The following SEMA3E variants were observed in gnomAD, a reference collection of about 807,000 sequenced individuals.
The protein encoded by SEMA3E is semaphorin-3E.
A neutral mutation model predicts 93.6 loss-of-function variants in SEMA3E; 49 were observed. That is an observed-to-expected ratio of 0.52 (90% CI 0.42 to 0.66). The LOEUF (loss-of-function observed/expected upper bound fraction) is 0.66. Ranked by LOEUF, SEMA3E falls within the 30% of genes least tolerant of loss-of-function variation. The pLI, the probability that SEMA3E is intolerant of heterozygous loss-of-function variation, is 0.00. For missense variants in SEMA3E, 906 were observed against 964.8 expected, an observed-to-expected ratio of 0.94 and a Z score of 0.81; for synonymous variants, 363 against 330.7, an observed-to-expected ratio of 1.10 and a Z score of -1.06.
intron 4 of SEMA3E, among the ~76,000 whole-genome samples, chr7:83,449,014 C>A (rs1391733961): frequency 1.3e-5 from 2 of 151,952 alleles, no homozygotes; most frequent in African/African-American, 4.8e-5. Context: ...TTACTACTGG[C>A]CAAATACAAA....
intron 1 of SEMA3E, among the ~76,000 whole-genome samples, chr7:83,497,614 G>T (rs1790513372): frequency 6.6e-6 from 1 of 152,226 alleles, no homozygotes; most frequent in Non-Finnish European, 1.5e-5. Context: ...AGATTTGACT[G>T]ATGATCACTA....
At chr7:83,582,773 T>C (rs1792540414) in intron 1 of SEMA3E, among the ~76,000 whole-genome samples, 1 of 152,076 alleles carries the variant, frequency 6.6e-6, no homozygotes, top group Non-Finnish European at 1.5e-5. Context: ...AAAACAAATA[T>C]TTCAAATATT....
At position 83,471,910 on chromosome 7, in the gene SEMA3E, G is replaced by A. The variant is rs183440027; in HGVS notation, c.277-2608C>T. Among the ~76,000 whole-genome samples, 53 of 152,302 alleles carry A rather than the reference G, an allele frequency of 3.5e-4. No individual in the cohort carries two copies. The East Asian group carries it at 9.6e-3, about 28-fold the overall frequency. Reference sequence around the variant, plus strand: ...GAAATAAACCAATCATCTTCTGAAAGTCAAACAGTATTTGCTATGTTGTAA... The same window carrying A: ...GAAATAAACCAATCATCTTCTGAAAATCAAACAGTATTTGCTATGTTGTAA... On this transcript the variant is annotated intron_variant, in intron 2 of 16. Coordinates refer to ENST00000643230, the MANE Select transcript of SEMA3E (RefSeq NM_012431.3).
chr7:83,396,108 T>C (rs62458481), intron 12 of SEMA3E, among the ~76,000 whole-genome samples: 18,315 of 151,932 alleles, frequency 0.12, 1,229 homozygotes, highest in Non-Finnish European at 0.15. Flanking sequence ...TGCACACATA[T>C]ATATGTGTAT....
At chr7:83,400,301 A>C (rs550624098) in intron 10 of SEMA3E, 51 bp from the exon 11 acceptor site, 394 of 1,529,638 alleles carry the variant, frequency 2.6e-4, no homozygotes, top group Non-Finnish European at 3.4e-4. Context: ...CCCAAAGAGA[A>C]AATTTATAAT....
At chr7:83,420,434 C>G (rs1788650417) in intron 4 of SEMA3E, among the ~76,000 whole-genome samples, 1 of 152,048 alleles carries the variant, frequency 6.6e-6, no homozygotes, top group Non-Finnish European at 1.5e-5. Flanking sequence ...CATCATTTTT[C>G]ACAGAATTAG....
rs569503991 is a variant in SEMA3E at position 83,457,289 on chromosome 7, T to C, written c.456+9193A>G. Reference sequence around the variant, plus strand: ...TAACTACTCCCCCAGGGTTTAATAATTCAGTCTATTCTGAGAACACCCTCT... The same window carrying C: ...TAACTACTCCCCCAGGGTTTAATAACTCAGTCTATTCTGAGAACACCCTCT... On this transcript the variant is annotated intron_variant, in intron 4 of 16. Transcript: ENST00000643230. Among the ~76,000 whole-genome samples the C allele has an allele frequency of 4.6e-5, 7 of 152,284 alleles. 1 individual carries two copies. The highest frequency in any genetic ancestry group is 6.8e-3 in the Middle Eastern group (2 of 294).
chr7:83,448,221 T>C (rs1045468984), intron 4 of SEMA3E, among the ~76,000 whole-genome samples: 20 of 152,362 alleles, frequency 1.3e-4, no homozygotes, highest in African/African-American at 4.6e-4. Context: ...ATTAGCAATA[T>C]AGTGTGTGAC....
intron 4 of SEMA3E, among the ~76,000 whole-genome samples, chr7:83,426,387 A>G (rs1415637283): frequency 3.5e-4 from 18 of 50,744 alleles, no homozygotes; most frequent in Non-Finnish European, 3.8e-5. Flanking sequence ...ATGGAATACC[A>G]CACAGTCATA....
intron 1 of SEMA3E, among the ~76,000 whole-genome samples, chr7:83,583,875 G>A (rs1056781299): frequency 1.3e-5 from 2 of 152,146 alleles, no homozygotes; most frequent in African/African-American, 2.4e-5. Flanking sequence ...GCCGACCTGT[G>A]ACTAGGAGGA....
At chr7:83,516,004 G>A (rs558434268) in intron 1 of SEMA3E, among the ~76,000 whole-genome samples, 1 of 152,220 alleles carries the variant, frequency 6.6e-6, no homozygotes, top group Admixed American at 6.5e-5. Context: ...TTGAGCCTGG[G>A]CGACAGAGTA....
At chr7:83,424,883 T>G (rs888375229) in intron 4 of SEMA3E, 2 of 276,238 alleles carry the variant, frequency 7.2e-6, no homozygotes, top group African/African-American at 2.3e-5. Context: ...GGCCCTGACC[T>G]ACAGAGATGC....
At chr7:83,425,747 A>G (rs559168257) in intron 4 of SEMA3E, among the ~76,000 whole-genome samples, 12 of 152,270 alleles carry the variant, frequency 7.9e-5, no homozygotes, top group Admixed American at 5.9e-4. Context: ...AACAAGTCGG[A>G]CCTAAATAAA....
chr7:83,641,068 C>G (rs1794000083), intron 1 of SEMA3E, among the ~76,000 whole-genome samples: 1 of 152,148 alleles, frequency 6.6e-6, no homozygotes, highest in Non-Finnish European at 1.5e-5. Context: ...CCAGCTGTTT[C>G]ACTAAATGCA....
chr7:83,455,999 G>A (rs1042895203), intron 4 of SEMA3E, among the ~76,000 whole-genome samples: 7 of 152,210 alleles, frequency 4.6e-5, no homozygotes, highest in Admixed American at 2.6e-4. Flanking sequence ...GGACTCTCAC[G>A]TCCCACAGAA....
intron 1 of SEMA3E, among the ~76,000 whole-genome samples, chr7:83,510,247 C>G (rs986620400): frequency 2.6e-5 from 4 of 152,134 alleles, no homozygotes; most frequent in Non-Finnish European, 5.9e-5. Flanking sequence ...AGAAAATACT[C>G]ATAGACCCTT....
chr7:83,643,951 G>A (rs1233558804), intron 1 of SEMA3E, among the ~76,000 whole-genome samples: 1 of 151,810 alleles, frequency 6.6e-6, no homozygotes, highest in East Asian at 1.9e-4. Flanking sequence ...ATAATACCAG[G>A]CTATTGGATG....
At chr7:83,378,833 T>C (rs914773051) in intron 16 of SEMA3E, among the ~76,000 whole-genome samples, 11 of 151,804 alleles carry the variant, frequency 7.2e-5, no homozygotes, top group African/African-American at 2.7e-4. Flanking sequence ...TGAAAAACAA[T>C]ATAGAGATTT....
At chr7:83,566,725 G>A (rs936349335) in intron 1 of SEMA3E, among the ~76,000 whole-genome samples, 4 of 152,094 alleles carry the variant, frequency 2.6e-5, no homozygotes, top group Admixed American at 2.6e-4. Context: ...GCTAAAGAAT[G>A]ATATCCACCA....
Sources: allele counts gnomAD v4.1 joint callset (sites outside exome capture counted in the v4.1 genomes callset), GRCh38; gene constraint gnomAD v4.1.1; transcripts MANE v1.5; gene names NCBI Gene and HGNC (gene_info 2026-07-23, HGNC 2026-07-21).